PDE10A: variants seen among roughly 807,000 people sequenced by gnomAD.
PDE10A encodes the protein phosphodiesterase 10A.
A neutral mutation model predicts 97.7 loss-of-function variants in PDE10A; 39 were observed. The observed-to-expected ratio is 0.40, with a 90% CI of 0.31 to 0.52. PDE10A has a LOEUF of 0.52. Ranked by LOEUF, PDE10A falls within the 20% of genes least tolerant of loss-of-function variation. The probability of loss-of-function intolerance (pLI) is 0.56; values close to 1 mark genes in which losing one functional copy is unlikely to be tolerated. For missense variants in PDE10A, 731 were observed against 1,047.8 expected, an observed-to-expected ratio of 0.70 and a Z score of 4.17; for synonymous variants, 371 against 376.8, an observed-to-expected ratio of 0.98 and a Z score of 0.18.
intron 11 of PDE10A, among the ~76,000 whole-genome samples, chr6:165,417,626 C>G (rs1788411487): frequency 1.0e-5 from 1 of 99,604 alleles, no homozygotes; most frequent in Non-Finnish European, 2.1e-5. Flanking sequence ...TGAGGTCTAA[C>G]AGCAACAACA....
chr6:165,773,354 T>C (rs1778070477), intron 1 of PDE10A: 1 of 152,342 alleles, frequency 6.6e-6, no homozygotes, highest in South Asian at 2.1e-4. Context: ...TTTTGTATTC[T>C]TAAAGGAACT....
chr6:165,638,263 C>T (rs1350468891), intron 1 of PDE10A, among the ~76,000 whole-genome samples: 2 of 152,150 alleles, frequency 1.3e-5, no homozygotes, highest in African/African-American at 2.4e-5. Context: ...ATTCACCTTC[C>T]TTTTTATTTT....
chr6:165,691,107 C>CTCTCTCCCCA (rs1554305960), intron 1 of PDE10A, among the ~76,000 whole-genome samples: 2 of 13,426 alleles, frequency 1.5e-4, no homozygotes, highest in Non-Finnish European at 2.3e-4. Flanking sequence ...CTTTCTCTCT[C>CTCTCTCCCCA]CCCCCCCCCA....
chr6:165,602,891 T>C (rs987711518), intron 1 of PDE10A, among the ~76,000 whole-genome samples: 2 of 152,196 alleles, frequency 1.3e-5, no homozygotes, highest in Admixed American at 1.3e-4. Flanking sequence ...CATCCCATTC[T>C]GTCCTGTTGG....
chr6:165,737,034 T>C (rs1583016186), intron 1 of PDE10A, among the ~76,000 whole-genome samples: 1 of 152,310 alleles, frequency 6.6e-6, no homozygotes, highest in African/African-American at 2.4e-5. Flanking sequence ...TGTCAATAAA[T>C]GGCATAACCT....
chr6:165,865,951 C>T (rs537725271), intron 1 of PDE10A, among the ~76,000 whole-genome samples: 1 of 152,182 alleles, frequency 6.6e-6, no homozygotes, highest in East Asian at 1.9e-4. Context: ...CAACTAGATT[C>T]ACACCAAAAA....
intron 1 of PDE10A, among the ~76,000 whole-genome samples, chr6:165,856,081 T>C (rs1008498292): frequency 6.6e-6 from 1 of 151,610 alleles, no homozygotes; most frequent in Non-Finnish European, 1.5e-5. Context: ...CATCGAGGAG[T>C]CCCTGGCTAG....
chr6:165,919,108 C>T (rs535945519), intron 1 of PDE10A, among the ~76,000 whole-genome samples: 37 of 152,328 alleles, frequency 2.4e-4, no homozygotes, highest in African/African-American at 8.7e-4. Flanking sequence ...ATTACTCAAT[C>T]TTTCCCTTCC....
At chr6:165,348,612 C>T (rs578233931) in intron 18 of PDE10A, among the ~76,000 whole-genome samples, 4 of 152,294 alleles carry the variant, frequency 2.6e-5, no homozygotes, top group South Asian at 2.1e-4. Context: ...CCCTGCATTA[C>T]GTTTCCTCTC....
At chr6:165,576,448 T>C (rs762689447) in intron 1 of PDE10A, 2 of 780,924 alleles carry the variant, frequency 2.6e-6, no homozygotes, top group Non-Finnish European at 4.8e-6. Flanking sequence ...TCTATCCTCA[T>C]TCTACATTCT....
At chr6:165,920,403 G>A (rs921114194) in intron 1 of PDE10A, among the ~76,000 whole-genome samples, 23 of 152,250 alleles carry the variant, frequency 1.5e-4, no homozygotes, top group African/African-American at 5.5e-4. Flanking sequence ...TTCTACATGA[G>A]TAGCACTTTG....
At chr6:165,821,869 T>C (rs9365924) in intron 1 of PDE10A, among the ~76,000 whole-genome samples, 33,286 of 150,906 alleles carry the variant, frequency 0.22, 4,017 homozygotes, top group Middle Eastern at 0.31. Flanking sequence ...GATAGACTCA[T>C]GGTCAGTTAA....
intron 1 of PDE10A, among the ~76,000 whole-genome samples, chr6:165,789,600 A>G (rs1230022641): frequency 6.6e-6 from 1 of 152,234 alleles, no homozygotes; most frequent in Admixed American, 6.5e-5. Context: ...GCAAATACTA[A>G]TTGCATGGAT....
intron 13 of PDE10A, among the ~76,000 whole-genome samples, chr6:165,411,497 G>C (rs893597148): frequency 6.6e-6 from 1 of 152,102 alleles, no homozygotes; most frequent in East Asian, 1.9e-4. Context: ...AGGAAAACAG[G>C]CTTCAGGAGA....
intron 1 of PDE10A, among the ~76,000 whole-genome samples, chr6:165,925,866 G>A (rs1478800907): frequency 6.6e-6 from 1 of 152,140 alleles, no homozygotes; most frequent in African/African-American, 2.4e-5. Flanking sequence ...ACACACAAAT[G>A]AGTGCAAGAA....
chr6:165,386,672 C>A (rs973870116), intron 17 of PDE10A, among the ~76,000 whole-genome samples: 1 of 152,062 alleles, frequency 6.6e-6, no homozygotes, highest in Non-Finnish European at 1.5e-5. Context: ...TATATGTACA[C>A]ATACATATAC....
intron 1 of PDE10A, among the ~76,000 whole-genome samples, chr6:165,727,896 A>G (rs759822502): frequency 3.3e-5 from 5 of 152,216 alleles, no homozygotes; most frequent in Non-Finnish European, 7.3e-5. Context: ...AGTTTGCAAA[A>G]GTGAGCATCA....
At position 165,855,319 on chromosome 6, in the gene PDE10A, G is replaced by GT. The variant is rs1491321400; in HGVS notation, c.-615+132209_-615+132210insA. Among the ~76,000 whole-genome samples, 438 of 92,448 alleles carry GT rather than the reference G, an allele frequency of 4.7e-3. 12 individuals carry two copies. The highest frequency in any genetic ancestry group is 0.017 in the African/African-American group (418 of 24,638). The allele number at this position is 92,448 out of a possible 152,430, so 60.6% of individuals were successfully genotyped here. On this transcript the variant is annotated intron_variant, in intron 1 of 19. Transcript: ENST00000366882. ...GCGGGAAGTGGCGGGGGGGGGGGGG[G>GT]ACTCAGGGGCGCTGCCTCCTGTGGA... is the stretch of plus-strand genomic sequence containing the variant.
chr6:165,930,700 T>A (rs1783104879), intron 1 of PDE10A, among the ~76,000 whole-genome samples: 2 of 152,200 alleles, frequency 1.3e-5, no homozygotes, highest in Admixed American at 1.3e-4. Flanking sequence ...AGAAACAGAT[T>A]CCTATTCTTC....
Sources: allele counts gnomAD v4.1 joint callset (sites outside exome capture counted in the v4.1 genomes callset), GRCh38; gene constraint gnomAD v4.1.1; transcripts MANE v1.5; gene names NCBI Gene and HGNC (gene_info 2026-07-23, HGNC 2026-07-21).